The following TINAG variants were observed in gnomAD, a reference collection of about 807,000 sequenced individuals.
The protein encoded by TINAG is tubulointerstitial nephritis antigen.
In TINAG, 83 loss-of-function variants were observed where a neutral mutation model predicts 72.7. The observed-to-expected ratio is 1.14, with a 90% CI of 0.96 to 1.37. The LOEUF (loss-of-function observed/expected upper bound fraction) is 1.37, where lower values mean the gene tolerates loss of function less well. Ranked by LOEUF, TINAG falls within the 40% of genes most tolerant of loss-of-function variation. TINAG has a pLI of 0.00. For missense variants in TINAG, 685 were observed against 576.6 expected (o/e 1.19, Z -1.93); for synonymous variants, 234 against 189.9 (o/e 1.23, Z -1.91).
At position 54,349,701 on chromosome 6, in the gene TINAG, G is replaced by A; in HGVS notation, c.900-15G>A. 1 of 1,524,612 alleles carries A rather than the reference G, an allele frequency of 6.6e-7. No homozygotes were observed. Among genetic ancestry groups the A allele is most frequent in the South Asian group, 1.3e-5 (1 of 77,140 alleles). 94.4% of individuals were successfully genotyped at this position (1,524,612 alleles called of 1,614,324 possible). ...TCCTAAATATTACCTTTGCTTCTTT[G>A]CTTATTCCTCATAGACTGGTATCCC... On this transcript the variant is annotated splice_polypyrimidine_tract_variant and intron_variant, in intron 6 of 10. Transcript: ENST00000259782.
rs1764203087 is a variant in TINAG, at chr6:54,389,978, A to G, written c.*53A>G. On this transcript the variant is annotated 3_prime_UTR_variant, in exon 11 of 11. Coordinates refer to ENST00000259782, the MANE Select transcript of TINAG (RefSeq NM_014464.4). ...GCCTTTAAGTAACCCCCTAAATTGA[A>G]GTTTAGCAATATGACATTCTTGGTG... 8.8e-6 allele frequency: 14 copies of G among 1,584,140 alleles called. No individual in the cohort carries two copies. In the South Asian group the frequency reaches 1.4e-4, roughly 16 times the overall value.
chr6:54,308,153 G>T (rs1582685846), upstream of TINAG: 1 of 1,541,740 alleles, frequency 6.5e-7, no homozygotes. Context: ...CTTGCCAGTG[G>T]TTATTACAGC....
chr6:54,383,513 GA>G (rs1168015814), intron 10 of TINAG, among the ~76,000 whole-genome samples: 3 of 151,930 alleles, frequency 2.0e-5, no homozygotes, highest in African/African-American at 7.3e-5. Context: ...GCTAAATCTG[GA>G]GAAAAATTTT....
intron 1 of TINAG, among the ~76,000 whole-genome samples, chr6:54,318,856 A>G (rs919707833): frequency 1.3e-5 from 2 of 152,150 alleles, no homozygotes; most frequent in African/African-American, 4.8e-5. Context: ...GTAACTGATT[A>G]TGGCTTTTGC....
chr6:54,330,015 A>G lies in TINAG; in HGVS notation c.624+3099A>G, dbSNP rs1582708316. ...ACCGAGACTTAGACTGTCAAATAAT[A>G]ATAGTTGAAGATTTTAACACCCCAC... On this transcript the variant is annotated intron_variant, in intron 4 of 10. Transcript: ENST00000259782. Among the ~76,000 whole-genome samples the G allele has an allele frequency of 2.0e-5, 3 of 152,250 alleles. No homozygotes were observed. In the Middle Eastern group the frequency reaches 0.01, roughly 518 times the overall value.
intron 2 of TINAG, 136 bp downstream of exon 2, chr6:54,320,778 C>G: frequency 1.7e-6 from 1 of 598,272 alleles, no homozygotes; most frequent in Non-Finnish European, 2.8e-6. Context: ...CATCATGTAC[C>G]TGTAACTTTG....
chr6:54,386,135 C>T (rs1380800756), intron 10 of TINAG, among the ~76,000 whole-genome samples: 1 of 152,066 alleles, frequency 6.6e-6, no homozygotes, highest in Non-Finnish European at 1.5e-5. Context: ...AGGTGATCTG[C>T]CCACCTTGGC....
At chr6:54,353,517 T>A (rs990123778) in intron 8 of TINAG, among the ~76,000 whole-genome samples, 4 of 151,826 alleles carry the variant, frequency 2.6e-5, no homozygotes, top group Non-Finnish European at 5.9e-5. Context: ...AAAGCAGAGA[T>A]CTGCGTAAAG....
At chr6:54,385,744 T>C (rs991662109) in intron 10 of TINAG, among the ~76,000 whole-genome samples, 2 of 151,670 alleles carry the variant, frequency 1.3e-5, no homozygotes, top group African/African-American at 4.8e-5. Flanking sequence ...AACAAAATAT[T>C]ACAATTAAGA....
Position 54,375,489 on chromosome 6 carries a change from C to T in TINAG, c.1251-5037C>T, listed in dbSNP as rs778976451. ...CTCAAGTAGTGCACATTTGATGTAC[C>T]TATTCATTCAACTTTGAAATGCTGT... On this transcript the variant is annotated intron_variant, in intron 9 of 10. Coordinates refer to ENST00000259782, the MANE Select transcript of TINAG (RefSeq NM_014464.4). Among the ~76,000 whole-genome samples the T allele has an allele frequency of 2.3e-4, 35 of 152,114 alleles. 1 individual carries two copies. Among genetic ancestry groups the T allele is most frequent in the Middle Eastern group, 6.3e-3 (2 of 316 alleles).
chr6:54,359,042 A>T (rs1041121916), intron 9 of TINAG, among the ~76,000 whole-genome samples: 1 of 151,856 alleles, frequency 6.6e-6, no homozygotes, highest in African/African-American at 2.4e-5. Context: ...GTACAGAACA[A>T]AAGGTTTTTT....
Position 54,389,490 on chromosome 6 carries a change from C to T in TINAG, c.1297-301C>T, listed in dbSNP as rs181166423. 8.5e-4 allele frequency among the ~76,000 whole-genome samples: 129 copies of T among 152,268 alleles called. 1 individual carries two copies. The highest frequency in any genetic ancestry group is 2.7e-3 in the African/African-American group (113 of 41,552). On this transcript the variant is annotated intron_variant, in intron 10 of 10. Coordinates refer to ENST00000259782, the MANE Select transcript of TINAG (RefSeq NM_014464.4). The stretch of plus-strand genomic sequence containing the variant: ...AGGCTGTTGTTCACATAGTAGACAA[C>T]TCTATAACTGCAGCTTGCATGCCAT...
chr6:54,384,244 C>T (rs896397127), intron 10 of TINAG, among the ~76,000 whole-genome samples: 1 of 152,010 alleles, frequency 6.6e-6, no homozygotes, highest in Non-Finnish European at 1.5e-5. Context: ...AGGAGAAATA[C>T]CTAATGTAGA....
At chr6:54,324,125 TAA>T (rs1423743649) in intron 3 of TINAG, among the ~76,000 whole-genome samples, 4 of 152,162 alleles carry the variant, frequency 2.6e-5, no homozygotes, top group African/African-American at 9.7e-5. Context: ...GGGAGATATA[TAA>T]GTGTTTCAAT....
At chr6:54,377,047 A>G (rs1039863074) in intron 9 of TINAG, among the ~76,000 whole-genome samples, 1 of 152,112 alleles carries the variant, frequency 6.6e-6, no homozygotes, top group African/African-American at 2.4e-5. Context: ...AAAAGTTATT[A>G]ATGAGTCTTA....
In TINAG at chr6:54,371,521, GTATT is replaced by G. The variant is rs376803711; in HGVS notation, c.1251-9001_1251-8998del. 5.2e-4 allele frequency among the ~76,000 whole-genome samples: 78 copies of G among 151,330 alleles called. No homozygotes were observed. In the East Asian group the frequency reaches 0.011, roughly 21 times the overall value. On this transcript the variant is annotated intron_variant, in intron 9 of 10. Coordinates refer to ENST00000259782, the MANE Select transcript of TINAG (RefSeq NM_014464.4). The stretch of plus-strand genomic sequence containing the variant: ...ATGATTCTAATTATGATATTAATGA[GTATT>G]TATCTATAATGTGATATAATTTTAC...
intron 9 of TINAG, among the ~76,000 whole-genome samples, chr6:54,358,842 C>T (rs756053536): frequency 2.0e-4 from 31 of 151,782 alleles, no homozygotes; most frequent in Admixed American, 1.1e-3. Context: ...TTCAGCTGAC[C>T]TCCAGTGGGT....
At chr6:54,386,017 G>A (rs1205324331) in intron 10 of TINAG, among the ~76,000 whole-genome samples, 2 of 147,110 alleles carry the variant, frequency 1.4e-5, no homozygotes, top group East Asian at 2.1e-4. Flanking sequence ...TCAGTCTCCC[G>A]AGTAGCTGGG....
chr6:54,344,673 T>TA (rs1305458874), intron 5 of TINAG, among the ~76,000 whole-genome samples: 7 of 152,140 alleles, frequency 4.6e-5, no homozygotes, highest in Non-Finnish European at 8.8e-5. Context: ...AGCAACTTGC[T>TA]AGGGTGGAGG....
Sources: allele counts gnomAD v4.1 joint callset (sites outside exome capture counted in the v4.1 genomes callset), GRCh38; gene constraint gnomAD v4.1.1; transcripts MANE v1.5; gene names NCBI Gene and HGNC (gene_info 2026-07-23, HGNC 2026-07-21).